The following ETV5 variants were observed in gnomAD, a reference collection of about 807,000 sequenced individuals.
ETV5 encodes the protein ETS translocation variant 5.
ETV5 carries 10 observed loss-of-function variants against 70.0 expected under a neutral mutation model. The ratio of observed to expected loss-of-function variants is 0.14; its 90% confidence interval spans 0.09 to 0.24. ETV5 has a LOEUF of 0.24. Among genes scored for constraint, ETV5 ranks in the 10% least tolerant of loss-of-function variants. The probability of loss-of-function intolerance (pLI) is 1.00; values close to 1 mark genes in which losing one functional copy is unlikely to be tolerated. For missense variants in ETV5, 453 were observed against 651.2 expected (o/e 0.70, Z 3.31); for synonymous variants, 216 against 242.2 (o/e 0.89, Z 1.01).
At chr3:186,099,912 A>C (rs1335535092) in intron 5 of ETV5, among the ~76,000 whole-genome samples, 1 of 152,238 alleles carries the variant, frequency 6.6e-6, no homozygotes, top group African/African-American at 2.4e-5. Flanking sequence ...TTGTTAGATG[A>C]CTAACAGCGC....
chr3:186,089,530 T>G (rs1366394966), intron 5 of ETV5, among the ~76,000 whole-genome samples: 1 of 152,234 alleles, frequency 6.6e-6, no homozygotes, highest in Non-Finnish European at 1.5e-5. Flanking sequence ...TCTCCATCTG[T>G]GTCACTCTGT....
chr3:186,076,338 G>GGA (rs1713788848), intron 7 of ETV5: 1 of 200,692 alleles, frequency 5.0e-6, no homozygotes, highest in Non-Finnish European at 1.0e-5. Context: ...TGTCCAGGCT[G>GGA]GAGAGCAGTG....
At chr3:186,096,800 T>G (rs749498348) in intron 5 of ETV5, among the ~76,000 whole-genome samples, 1 of 152,202 alleles carries the variant, frequency 6.6e-6, no homozygotes, top group Non-Finnish European at 1.5e-5. Context: ...ATGCTCATCA[T>G]ACATCCCTGG....
intron 5 of ETV5, chr3:186,104,953 G>A (rs1393156150): frequency 1.2e-5 from 2 of 171,862 alleles, no homozygotes; most frequent in Non-Finnish European, 2.5e-5. Context: ...TATTGGCCAG[G>A]CTGGTCTTGA....
At chr3:186,108,462 T>G in intron 1 of ETV5, 2 of 1,231,440 alleles carry the variant, frequency 1.6e-6, no homozygotes, top group Non-Finnish European at 2.1e-6. Context: ...CTTGCCTGTG[T>G]CATTTACCCC....
chr3:186,053,216 C>T (rs1469206954), intron 11 of ETV5, among the ~76,000 whole-genome samples: 1 of 152,184 alleles, frequency 6.6e-6, no homozygotes, highest in East Asian at 1.9e-4. Context: ...ATTCTCCTGC[C>T]TCAGTCTCCT....
intron 5 of ETV5, among the ~76,000 whole-genome samples, chr3:186,085,601 C>T (rs973015868): frequency 2.3e-4 from 35 of 151,522 alleles, no homozygotes; most frequent in African/African-American, 7.8e-4. Context: ...CTCTGCCTCC[C>T]GGGTTCAAGT....
intron 5 of ETV5, among the ~76,000 whole-genome samples, chr3:186,091,113 T>A (rs1714172467): frequency 6.6e-6 from 1 of 152,152 alleles, no homozygotes; most frequent in Non-Finnish European, 1.5e-5. Flanking sequence ...GGGGCTGAGA[T>A]TTCAGGGCAG....
In ETV5 at chr3:186,105,977, G is replaced by A; in HGVS notation, c.-74-35C>T. The A allele has an allele frequency of 2.8e-6, 4 of 1,429,388 alleles. No homozygotes were observed. Among genetic ancestry groups the A allele is most frequent in the Non-Finnish European group, 3.8e-6 (4 of 1,042,522 alleles). The allele number at this position is 1,429,388 out of a possible 1,614,324, so 88.5% of individuals were successfully genotyped here. On this transcript the variant is annotated intron_variant, in intron 1 of 12. Transcript: ENST00000306376. This position sits in a 1 kb window ranked among gnomAD's most constrained non-coding sequence, Gnocchi z 4.5. The stretch of plus-strand genomic sequence containing the variant: ...GAATTTGGGAGATTTTAACTAAGAG[G>A]GGGGAAAAAAAGAAATGAAACAATT...
chr3:186,082,218 T>G (rs951153120), intron 5 of ETV5, among the ~76,000 whole-genome samples: 4 of 152,184 alleles, frequency 2.6e-5, no homozygotes, highest in Non-Finnish European at 5.9e-5. Context: ...CTAGCTACCT[T>G]GGAAGGTGGG....
intron 5 of ETV5, chr3:186,084,116 T>C: frequency 2.7e-6 from 1 of 376,994 alleles, no homozygotes; most frequent in Non-Finnish European, 5.2e-6. Context: ...ACCTTGCAGA[T>C]GGTGCTATGA....
intron 5 of ETV5, among the ~76,000 whole-genome samples, chr3:186,098,869 T>C (rs1379429356): frequency 6.6e-6 from 1 of 152,200 alleles, no homozygotes; most frequent in Non-Finnish European, 1.5e-5. Context: ...CCTGCCCTCA[T>C]GTCCCCTCCA....
chr3:186,096,447 TA>T (rs779487447), intron 5 of ETV5, among the ~76,000 whole-genome samples: 2 of 152,214 alleles, frequency 1.3e-5, no homozygotes, highest in African/African-American at 2.4e-5. Flanking sequence ...AGTGTTTATG[TA>T]AGCGAAGTCC....
At position 186,105,989 on chromosome 3, in the gene ETV5, GA is replaced by G. The variant is rs1714578828; in HGVS notation, c.-74-48del. The G allele has an allele frequency of 7.3e-7, 1 of 1,369,872 alleles. No homozygotes were observed. Among genetic ancestry groups the G allele is most frequent in the Admixed American group, 2.1e-5 (1 of 48,468 alleles). 84.9% of individuals were successfully genotyped at this position (1,369,872 alleles called of 1,614,324 possible). A position where few individuals can be genotyped will look rare whatever the true frequency, so the allele number is the denominator to read the frequency against. On this transcript the variant is annotated intron_variant, in intron 1 of 12. Coordinates refer to ENST00000306376, the MANE Select transcript of ETV5 (RefSeq NM_004454.3). The surrounding 1 kb of genome is among the most constrained non-coding windows in gnomAD (Gnocchi z 4.5). ...TTTTAACTAAGAGGGGGGAAAAAAA[GA>G]AATGAAACAATTTTAGACTGCCTTT...
chr3:186,054,125 C>T lies in ETV5; in HGVS notation c.1210-1994G>A, dbSNP rs1375034293. ...CTGACTCATCCTCCCGGGCCAGAGCCCTGTGATTCTGTAGCCCTCACCACG... is the reference window on the plus strand; with the variant it reads ...CTGACTCATCCTCCCGGGCCAGAGCTCTGTGATTCTGTAGCCCTCACCACG... On this transcript the variant is annotated intron_variant, in intron 11 of 12. Coordinates refer to ENST00000306376, the MANE Select transcript of ETV5 (RefSeq NM_004454.3). This position sits in a 1 kb window ranked among gnomAD's most constrained non-coding sequence, Gnocchi z 4.4. Among the ~76,000 whole-genome samples, 3 of 152,202 alleles carry T rather than the reference C, an allele frequency of 2.0e-5. No homozygotes were observed. The highest frequency in any genetic ancestry group is 6.5e-5 in the Admixed American group (1 of 15,282).
At chr3:186,096,239 C>G (rs1166811640) in intron 5 of ETV5, among the ~76,000 whole-genome samples, 6 of 151,998 alleles carry the variant, frequency 3.9e-5, no homozygotes. Context: ...CAAAGTTATC[C>G]CCCCTCAATT....
intron 5 of ETV5, among the ~76,000 whole-genome samples, chr3:186,093,512 C>T (rs6444105): frequency 0.3 from 45,906 of 152,042 alleles, 8,520 homozygotes; most frequent in East Asian, 0.6. Flanking sequence ...TGGTAGCAGC[C>T]AGAGAGCAGA....
rs761858753 is a variant in ETV5 at position 186,105,750 on chromosome 3, G to C, written c.46-38C>G. ...AACAGAAAGTGAAGGCTCAAGTGTA[G>C]TAAAGAGGTCCACAGGGGGAAGACT... On this transcript the variant is annotated intron_variant, in intron 2 of 12. Transcript: ENST00000306376. This position sits in a 1 kb window ranked among gnomAD's most constrained non-coding sequence, Gnocchi z 4.5. 1 of 1,613,088 alleles carries C rather than the reference G, an allele frequency of 6.2e-7. No individual in the cohort carries two copies. The highest frequency in any genetic ancestry group is 8.5e-7 in the Non-Finnish European group (1 of 1,179,048).
intron 5 of ETV5, among the ~76,000 whole-genome samples, chr3:186,087,027 A>T (rs1173842557): frequency 6.6e-6 from 1 of 152,122 alleles, no homozygotes; most frequent in Non-Finnish European, 1.5e-5. Flanking sequence ...ACTAAGAAAA[A>T]TTAAAGAACT....
Sources: gnomAD v4.1 joint callset for allele counts (sites outside exome capture counted in the v4.1 genomes callset) on GRCh38, gnomAD v4.1.1 for gene constraint, Gnocchi (gnomAD v3.1) non-coding constraint, MANE v1.5 for transcripts, NCBI Gene and HGNC (gene_info 2026-07-23, HGNC 2026-07-21) for gene names.